The following TIMELESS variants were observed in gnomAD, a reference collection of about 807,000 sequenced individuals.
TIMELESS encodes protein timeless homolog.
TIMELESS carries 124 observed loss-of-function variants against 164.3 expected under a neutral mutation model. The ratio of observed to expected loss-of-function variants is 0.75; its 90% CI spans 0.65 to 0.88. TIMELESS has a LOEUF of 0.88. Among genes scored for constraint, TIMELESS ranks in the 40% least tolerant of loss-of-function variants. The pLI is 0.00. For missense variants in TIMELESS, 1,422 were observed against 1,491.4 expected, an observed-to-expected ratio of 0.95 and a Z score of 0.77; for synonymous variants, 564 against 563.4, an observed-to-expected ratio of 1.00 and a Z score of -0.02.
rs1555176447 is a variant in TIMELESS at position 56,420,029 on chromosome 12, A to AAAT, written c.3228+539_3228+540insATT. Among the ~76,000 whole-genome samples the AAAT allele has an allele frequency of 2.1e-3, 157 of 75,154 alleles. 3 individuals carry two copies. Among genetic ancestry groups the AAAT allele is most frequent in the East Asian group, 4.0e-3 (8 of 2,000 alleles). The allele number at this position is 75,154 out of a possible 152,430, so 49.3% of individuals were successfully genotyped here. On this transcript the variant is annotated intron_variant, in intron 26 of 28. Transcript: ENST00000553532. ...CTCAAAAAAAAAAAAAAAAAAAAAA[A>AAAT]ATATATATATATATATATATGTGTG...
At chr12:56,439,024 G>C (rs1882163962) in intron 1 of TIMELESS, among the ~76,000 whole-genome samples, 1 of 151,330 alleles carries the variant, frequency 6.6e-6, no homozygotes, top group African/African-American at 2.4e-5. Flanking sequence ...AAATTAGCTG[G>C]GCATGGTGGC....
At chr12:56,442,953 G>C (rs1038181812) in intron 1 of TIMELESS, among the ~76,000 whole-genome samples, 1 of 152,138 alleles carries the variant, frequency 6.6e-6, no homozygotes, top group Non-Finnish European at 1.5e-5. Context: ...TCCTATGCCT[G>C]TCTTTAATCT....
Position 56,424,729 on chromosome 12 carries a change from A to G in TIMELESS, c.1868+33T>C. 1.9e-6 allele frequency: 3 copies of G among 1,604,230 alleles called. No individual in the cohort carries two copies. The Admixed American group carries it at 5.1e-5, about 27-fold the overall frequency. ...CAGTGATGGCCTCCTCCTTCCCCCAAAGCCCAAGAGGATGAGCAGGCAGGG... is the reference window on the plus strand; with the variant it reads ...CAGTGATGGCCTCCTCCTTCCCCCAGAGCCCAAGAGGATGAGCAGGCAGGG... On this transcript the variant is annotated intron_variant, in intron 15 of 28. Coordinates refer to ENST00000553532, the MANE Select transcript of TIMELESS (RefSeq NM_003920.5).
chr12:56,418,240 A>C lies in TIMELESS; in HGVS notation c.3348T>G (p.Pro1116=). The change falls in exon 27 of 29, where the codon CCT becomes CCG. Residue 1116 remains proline (P), a synonymous_variant. Transcript: ENST00000553532. The stretch of plus-strand genomic sequence containing the variant: ...GCTCCTCATCAGAGCCTTGCTCTCC[A>C]GGGACTTTAGGCTGCAGCTCTGGCT... ...KLQPELQPKV[P]GEQGSDEEHC... The C allele has an allele frequency of 6.2e-7, 1 of 1,614,166 alleles. No homozygotes were observed. The highest frequency in any genetic ancestry group is 8.5e-7 in the Non-Finnish European group (1 of 1,180,036).
chr12:56,427,392 G>A (rs962645632), intron 13 of TIMELESS, among the ~76,000 whole-genome samples: 1 of 152,146 alleles, frequency 6.6e-6, no homozygotes, highest in Non-Finnish European at 1.5e-5. Flanking sequence ...CAAAGTGCTG[G>A]GATTACAGGC....
At chr12:56,423,193 AC>A in intron 18 of TIMELESS, 80 bp downstream of exon 18, 1 of 1,537,070 alleles carries the variant, frequency 6.5e-7, no homozygotes, top group Non-Finnish European at 8.8e-7. Flanking sequence ...ACCTCTCAGC[AC>A]CTTCTATCTC....
rs375681234 is a variant in TIMELESS at position 56,429,088 on chromosome 12, G to T, written c.1099C>A (p.Arg367=). Residue 367 remains arginine, a synonymous_variant, in exon 11 of 29, where the codon CGG becomes AGG. Transcript: ENST00000553532. ...LMGSVKDHLL[R]EKAQQHDETY... ...TCATCATGCTGCTGAGCTTTCTCCC[G>T]AAGCAGGTGATCCTGACATTTAAAA... 6.2e-7 allele frequency: 1 copy of T among 1,613,328 alleles called. No homozygotes were observed. The highest frequency in any genetic ancestry group is 1.7e-5 in the Admixed American group (1 of 59,966).
At position 56,422,136 on chromosome 12, in the gene TIMELESS, C is replaced by T; in HGVS notation, c.2494G>A (p.Glu832Lys). 6.2e-7 allele frequency: 1 copy of T among 1,614,116 alleles called. No homozygotes were observed. The highest frequency in any genetic ancestry group is 8.5e-7 in the Non-Finnish European group (1 of 1,180,032). Residue 832 changes from glutamate (E) to lysine (K), a missense_variant, in exon 20 of 29, where the codon GAG becomes AAG. Physicochemically the swap from Glu to Lys is moderately conservative, Grantham distance 56. Transcript: ENST00000553532. ...WSPEEEAHLRELYLANKDVEG... is the reference protein window; with the variant it reads ...WSPEEEAHLRKLYLANKDVEG... ...ACGTCCTTATTGGCGAGGTACAGCT[C>T]CCGAAGATGAGCCTCTTCTTCGGGG... is the stretch of plus-strand genomic sequence containing the variant.
intron 1 of TIMELESS, among the ~76,000 whole-genome samples, chr12:56,441,821 C>T (rs1238443950): frequency 3.9e-5 from 6 of 152,054 alleles, no homozygotes; most frequent in South Asian, 4.1e-4. Flanking sequence ...CGGTGGCTCA[C>T]GCCTGTAATC....
At chr12:56,437,408 A>G (rs1882107337) in intron 1 of TIMELESS, among the ~76,000 whole-genome samples, 1 of 140,784 alleles carries the variant, frequency 7.1e-6, no homozygotes, top group African/African-American at 2.6e-5. Flanking sequence ...AAGTTTGCAA[A>G]ATGATTTTAT....
At chr12:56,418,724 T>TG (rs1489464712) in intron 26 of TIMELESS, among the ~76,000 whole-genome samples, 1 of 150,624 alleles carries the variant, frequency 6.6e-6, no homozygotes, top group Non-Finnish European at 1.5e-5. Flanking sequence ...ACCACAGGGG[T>TG]GCATGCCACC....
Position 56,417,587 on chromosome 12 carries a change from G to T in TIMELESS, c.*129C>A. 1.1e-6 allele frequency: 1 copy of T among 874,272 alleles called. No homozygotes were observed. The highest frequency in any genetic ancestry group is 1.8e-6 in the Non-Finnish European group (1 of 549,034). The allele number at this position is 874,272 out of a possible 1,614,324, so 54.2% of individuals were successfully genotyped here. On this transcript the variant is annotated 3_prime_UTR_variant, in exon 29 of 29. Transcript: ENST00000553532. ...CTGAAGTTTCTCAGCCTAAATCCGT[G>T]AAAGAGCCTGGGATTCTACTGCTCT...
At chr12:56,420,345 G>A (rs1881425231) in intron 26 of TIMELESS, among the ~76,000 whole-genome samples, 1 of 152,102 alleles carries the variant, frequency 6.6e-6, no homozygotes, top group South Asian at 2.1e-4. Flanking sequence ...TAAATCTGGA[G>A]GCAGTCTGGA....
rs777263441 is a variant in TIMELESS, at chr12:56,423,276, T to C, written c.2290A>G (p.Lys764Glu). The C allele has an allele frequency of 2.5e-6, 4 of 1,613,924 alleles. No individual in the cohort carries two copies. In the African/African-American group the frequency reaches 5.3e-5, roughly 22 times the overall value. The change falls in exon 18 of 29, where the codon AAA becomes GAA. Residue 764 changes from lysine to glutamate, a missense_variant and splice_region_variant. By Grantham distance (56) the Lys-to-Glu change is moderately conservative (BLOSUM62 1). Transcript: ENST00000553532. ...LLSDPAAGAY[K>E]ELVTFAKYIL... is the part of the protein sequence containing the mutation. ...CCCATTCCTTGTTATCCCCTCACTT[T>C]GTAGGCTCCAGCAGCAGGGTCACTA...
chr12:56,440,906 C>T (rs1457400747), intron 1 of TIMELESS, among the ~76,000 whole-genome samples: 1 of 152,186 alleles, frequency 6.6e-6, no homozygotes, highest in Non-Finnish European at 1.5e-5. Context: ...TAACCTCTGC[C>T]TCCCGGGTTC....
intron 15 of TIMELESS, 67 bp from the exon 16 acceptor site, chr12:56,423,961 A>G: frequency 7.2e-7 from 1 of 1,381,584 alleles, no homozygotes; most frequent in Non-Finnish European, 1.0e-6. Flanking sequence ...AATTCGAAGT[A>G]GAAGAAGGAA....
chr12:56,448,827 G>A (rs574987659), intron 1 of TIMELESS, among the ~76,000 whole-genome samples: 1 of 152,350 alleles, frequency 6.6e-6, no homozygotes, highest in Admixed American at 6.5e-5. Flanking sequence ...TAGCGGCTGA[G>A]GTCCAGGTGA....
At chr12:56,418,441 C>T in intron 26 of TIMELESS, 82 bp from the exon 27 acceptor site, 1 of 1,006,140 alleles carries the variant, frequency 9.9e-7, no homozygotes, top group Non-Finnish European at 1.5e-6. Context: ...ATATATGACC[C>T]AATATTGGTG....
Position 56,428,417 on chromosome 12 carries a change from G to A in TIMELESS, c.1409-12C>T. On this transcript the variant is annotated splice_polypyrimidine_tract_variant and intron_variant, in intron 12 of 28. Transcript: ENST00000553532. ...ATAGAAAATATTGTCTAGGAATGGG[G>A]AAGAGAAAGGGATGGAAGGGCTATT... 1 of 1,605,148 alleles carries A rather than the reference G, an allele frequency of 6.2e-7. No homozygotes were observed. The highest frequency in any genetic ancestry group is 2.2e-5 in the East Asian group (1 of 44,652).
Sources: gnomAD v4.1 joint callset for allele counts (sites outside exome capture counted in the v4.1 genomes callset) on GRCh38, gnomAD v4.1.1 for gene constraint, MANE v1.5 for transcripts, NCBI Gene and HGNC (gene_info 2026-07-23, HGNC 2026-07-21) for gene names.